The following SLMAP variants were observed in gnomAD, a reference collection of about 807,000 sequenced individuals.
SLMAP encodes the protein sarcolemma associated protein, also known as sarcolemmal membrane-associated protein.
In SLMAP, 44 loss-of-function variants were observed where a neutral mutation model predicts 128.8. The observed-to-expected ratio is 0.34, with a 90% CI of 0.27 to 0.44. The LOEUF (loss-of-function observed/expected upper bound fraction) is 0.44. Ranked by LOEUF, SLMAP falls within the 20% of genes least tolerant of loss-of-function variation. The pLI is 1.00. For missense variants in SLMAP, 787 were observed against 985.3 expected, an observed-to-expected ratio of 0.80 and a Z score of 2.69; for synonymous variants, 327 against 348.8, an observed-to-expected ratio of 0.94 and a Z score of 0.70.
chr3:57,847,677 C>G (rs565330241), intron 5 of SLMAP, among the ~76,000 whole-genome samples: 1 of 152,274 alleles, frequency 6.6e-6, no homozygotes, highest in Admixed American at 6.5e-5. Context: ...CTGATCTGAT[C>G]AGAAACTTTG....
At chr3:57,760,035 G>A (rs767981299) in intron 2 of SLMAP, among the ~76,000 whole-genome samples, 83 of 152,172 alleles carry the variant, frequency 5.5e-4, no homozygotes, top group Non-Finnish European at 9.7e-4. Context: ...TGCCTCCTGG[G>A]TTCAAGCGAT....
At chr3:57,879,056 C>G (rs2095666036) in intron 14 of SLMAP, among the ~76,000 whole-genome samples, 1 of 152,196 alleles carries the variant, frequency 6.6e-6, no homozygotes, top group Admixed American at 6.5e-5. Flanking sequence ...AGAACTCAAT[C>G]CAATCTTGGC....
At chr3:57,855,720 A>C (rs999957416) in intron 6 of SLMAP, among the ~76,000 whole-genome samples, 13 of 149,112 alleles carry the variant, frequency 8.7e-5, no homozygotes, top group African/African-American at 2.5e-4. Context: ...TTAAAAAAAA[A>C]AAAAACAAAA....
At chr3:57,850,142 C>G (rs545675735) in intron 6 of SLMAP, among the ~76,000 whole-genome samples, 21 of 152,236 alleles carry the variant, frequency 1.4e-4, no homozygotes, top group African/African-American at 5.1e-4. Context: ...CACCACTGCA[C>G]TCCATCCTAG....
At chr3:57,800,764 T>G (rs1327920720) in intron 2 of SLMAP, 1 of 163,812 alleles carries the variant, frequency 6.1e-6, no homozygotes, top group African/African-American at 2.4e-5. Flanking sequence ...TCTCAACAGA[T>G]GCTCTTATTC....
chr3:57,777,240 A>G (rs1486775663), intron 2 of SLMAP, among the ~76,000 whole-genome samples: 1 of 152,100 alleles, frequency 6.6e-6, no homozygotes, highest in African/African-American at 2.4e-5. Context: ...CCTAAAACTT[A>G]AAGTATAATA....
intron 13 of SLMAP, among the ~76,000 whole-genome samples, chr3:57,869,660 A>ATATATATAAT (rs1553900183): frequency 2.5e-5 from 2 of 81,370 alleles, no homozygotes; most frequent in East Asian, 6.7e-4. Flanking sequence ...ATATATATAT[A>ATATATATAAT]ATATATATAA....
chr3:57,880,801 CT>C (rs1241610105), intron 14 of SLMAP, among the ~76,000 whole-genome samples: 2 of 152,076 alleles, frequency 1.3e-5, no homozygotes, highest in African/African-American at 2.4e-5. Context: ...GGGAGGATCG[CT>C]TGAGCCCTGG....
At chr3:57,813,313 C>T (rs1393962480) in intron 2 of SLMAP, among the ~76,000 whole-genome samples, 1 of 152,122 alleles carries the variant, frequency 6.6e-6, no homozygotes, top group Non-Finnish European at 1.5e-5. Flanking sequence ...CCGGGTTGGT[C>T]TCGAACTCCT....
intron 5 of SLMAP, among the ~76,000 whole-genome samples, chr3:57,849,473 T>A (rs1489667325): frequency 6.6e-6 from 1 of 152,204 alleles, no homozygotes; most frequent in East Asian, 1.9e-4. Flanking sequence ...TCTAAATGAA[T>A]GAGGCTTGTT....
chr3:57,782,420 T>A (rs2083264079), intron 2 of SLMAP, among the ~76,000 whole-genome samples: 1 of 152,226 alleles, frequency 6.6e-6, no homozygotes, highest in African/African-American at 2.4e-5. Context: ...CTGAGCTTTC[T>A]GATATCATTT....
At chr3:57,891,867 A>G (rs1451853335) in intron 15 of SLMAP, among the ~76,000 whole-genome samples, 1 of 151,792 alleles carries the variant, frequency 6.6e-6, no homozygotes, top group Non-Finnish European at 1.5e-5. Context: ...GTGAGCCACC[A>G]TGTCCGGCCT....
At chr3:57,826,329 TA>T (rs899977008) in intron 2 of SLMAP, among the ~76,000 whole-genome samples, 7 of 152,212 alleles carry the variant, frequency 4.6e-5, no homozygotes, top group African/African-American at 1.7e-4. Flanking sequence ...TCATTATCTG[TA>T]AAGATACTAT....
intron 2 of SLMAP, among the ~76,000 whole-genome samples, chr3:57,758,518 C>T (rs140966075): frequency 3.3e-5 from 5 of 152,136 alleles, no homozygotes; most frequent in African/African-American, 9.7e-5. Context: ...CCCTGCAGCA[C>T]TTATTAAGTA....
chr3:57,854,388 A>G (rs2094669531), intron 6 of SLMAP, among the ~76,000 whole-genome samples: 1 of 152,098 alleles, frequency 6.6e-6, no homozygotes, highest in Non-Finnish European at 1.5e-5. Flanking sequence ...ACTTGAGACC[A>G]GGAGTTCAAG....
intron 2 of SLMAP, among the ~76,000 whole-genome samples, chr3:57,791,615 ACT>A (rs2085475469): frequency 6.6e-6 from 1 of 152,008 alleles, no homozygotes; most frequent in Non-Finnish European, 1.5e-5. Context: ...CTCAGTTATG[ACT>A]CTTTTAAAGT....
chr3:57,910,630 C>A (rs182487198), intron 19 of SLMAP, among the ~76,000 whole-genome samples: 1 of 152,302 alleles, frequency 6.6e-6, no homozygotes, highest in East Asian at 1.9e-4. Flanking sequence ...AGACCCCTGC[C>A]TGTCGAATGT....
intron 2 of SLMAP, among the ~76,000 whole-genome samples, chr3:57,817,825 G>A (rs1218612247): frequency 6.6e-6 from 1 of 152,200 alleles, no homozygotes; most frequent in Non-Finnish European, 1.5e-5. Flanking sequence ...GGTGGTAGCA[G>A]GTAGTGAATG....
At chr3:57,787,624 C>G (rs577303277) in intron 2 of SLMAP, among the ~76,000 whole-genome samples, 4 of 152,128 alleles carry the variant, frequency 2.6e-5, no homozygotes, top group Admixed American at 2.6e-4. Context: ...TACAGGCATG[C>G]GCCACGATAC....
Sources: gnomAD v4.1 joint callset for allele counts (sites outside exome capture counted in the v4.1 genomes callset) on GRCh38, gnomAD v4.1.1 for gene constraint, MANE v1.5 for transcripts, NCBI Gene and HGNC (gene_info 2026-07-23, HGNC 2026-07-21) for gene names.